Variants in SNTG2 observed in about 807,000 individuals in gnomAD.
SNTG2 encodes syntrophin gamma 2.
Under a neutral mutation model 70.9 loss-of-function variants are expected in SNTG2, and 74 were observed. The ratio of observed to expected loss-of-function variants is 1.04; its 90% CI spans 0.86 to 1.27. SNTG2 has a LOEUF of 1.27. Ranked by LOEUF, SNTG2 falls within the 50% of genes most tolerant of loss-of-function variation. SNTG2 has a pLI of 0.00. For synonymous variants in SNTG2, 278 were observed against 273.8 expected (o/e 1.02, Z -0.15); for missense variants, 717 against 690.7 (o/e 1.04, Z -0.43).
chr2:1,041,537 G>T (rs1661436682), intron 1 of SNTG2, among the ~76,000 whole-genome samples: 1 of 152,140 alleles, frequency 6.6e-6, no homozygotes, highest in Non-Finnish European at 1.5e-5. Flanking sequence ...GGAGGTGTTT[G>T]GGTCATGGGC....
At chr2:1,074,184 T>C (rs1663769150) in intron 1 of SNTG2, among the ~76,000 whole-genome samples, 2 of 152,212 alleles carry the variant, frequency 1.3e-5, no homozygotes, top group Non-Finnish European at 2.9e-5. Flanking sequence ...AGCTGCAGTG[T>C]AGCCCCTCTG....
intron 4 of SNTG2, among the ~76,000 whole-genome samples, chr2:1,099,977 G>A (rs998049460): frequency 2.4e-4 from 37 of 152,158 alleles, no homozygotes; most frequent in Non-Finnish European, 4.6e-4. Flanking sequence ...CAGGAATTAG[G>A]GGCCAGCAAG....
intron 6 of SNTG2, among the ~76,000 whole-genome samples, chr2:1,143,624 C>A (rs1245151686): frequency 6.6e-6 from 1 of 151,338 alleles, no homozygotes; most frequent in African/African-American, 2.4e-5. Context: ...ATCCCAGCAA[C>A]TTTGGGAGGC....
chr2:1,180,979 A>G (rs1356931400), intron 8 of SNTG2, among the ~76,000 whole-genome samples: 2 of 152,166 alleles, frequency 1.3e-5, no homozygotes, highest in South Asian at 2.1e-4. Context: ...CAAAAAGCAA[A>G]CACCACATAT....
intron 1 of SNTG2, among the ~76,000 whole-genome samples, chr2:1,004,200 C>T (rs913695487): frequency 6.6e-6 from 1 of 152,124 alleles, no homozygotes; most frequent in Non-Finnish European, 1.5e-5. Flanking sequence ...AATCATTAGT[C>T]CCTGTAACAG....
chr2:1,242,054 G>A (rs527383222), intron 11 of SNTG2, among the ~76,000 whole-genome samples: 1 of 152,278 alleles, frequency 6.6e-6, no homozygotes, highest in African/African-American at 2.4e-5. Context: ...GCAGCTTGGA[G>A]TAGTTTATTT....
intron 16 of SNTG2, chr2:1,341,440 A>T (rs1327568383): frequency 6.6e-6 from 1 of 152,178 alleles, no homozygotes; most frequent in African/African-American, 2.4e-5. Context: ...GGGGTTGCTC[A>T]GTCCCATGCT....
At chr2:978,210 G>A (rs1435982856) in intron 1 of SNTG2, among the ~76,000 whole-genome samples, 1 of 152,184 alleles carries the variant, frequency 6.6e-6, no homozygotes, top group East Asian at 1.9e-4. Context: ...GATGCAGCTC[G>A]TGGTGCAGGA....
At chr2:1,101,165 G>C (rs1160929956) in intron 4 of SNTG2, among the ~76,000 whole-genome samples, 1 of 152,190 alleles carries the variant, frequency 6.6e-6, no homozygotes, top group Admixed American at 6.5e-5. Context: ...TCCCAGGCTC[G>C]CATTCTGTGC....
At chr2:1,166,411 T>C (rs1234323156) in intron 7 of SNTG2, among the ~76,000 whole-genome samples, 2 of 152,114 alleles carry the variant, frequency 1.3e-5, no homozygotes, top group African/African-American at 4.8e-5. Flanking sequence ...TTCCTGTCAC[T>C]CTCTCATGGG....
chr2:1,234,444 A>G (rs2148089170), intron 9 of SNTG2, among the ~76,000 whole-genome samples: 1 of 152,334 alleles, frequency 6.6e-6, no homozygotes, highest in East Asian at 1.9e-4. Flanking sequence ...TAATGTTTAT[A>G]TGGTACTTAC....
chr2:1,309,235 G>A (rs371324634), intron 15 of SNTG2, among the ~76,000 whole-genome samples: 1 of 152,234 alleles, frequency 6.6e-6, no homozygotes, highest in East Asian at 1.9e-4. Flanking sequence ...ATCCCAAATC[G>A]GGCTGCACCC....
intron 16 of SNTG2, among the ~76,000 whole-genome samples, chr2:1,340,702 T>A (rs944569205): frequency 1.3e-5 from 2 of 152,258 alleles, no homozygotes; most frequent in African/African-American, 4.8e-5. Context: ...ATTTTATTAT[T>A]ATTTGCATTA....
chr2:1,168,067 C>T (rs372519496), intron 7 of SNTG2, among the ~76,000 whole-genome samples: 1 of 134,250 alleles, frequency 7.4e-6, no homozygotes, highest in Admixed American at 7.2e-5. Flanking sequence ...CGCCCACAGA[C>T]GGCAGAACTG....
At chr2:1,000,900 C>A (rs1327167896) in intron 1 of SNTG2, among the ~76,000 whole-genome samples, 1 of 151,748 alleles carries the variant, frequency 6.6e-6, no homozygotes, top group Non-Finnish European at 1.5e-5. Context: ...AGCAGCATGT[C>A]AAAAATGTGA....
At chr2:1,114,602 TAGTA>T (rs1292380857) in intron 4 of SNTG2, among the ~76,000 whole-genome samples, 5 of 148,932 alleles carry the variant, frequency 3.4e-5, no homozygotes, top group Non-Finnish European at 5.9e-5. Context: ...GGATCGTGTG[TAGTA>T]AGTGAGGTTT....
intron 1 of SNTG2, among the ~76,000 whole-genome samples, chr2:989,981 G>A (rs1661437643): frequency 6.6e-6 from 1 of 152,226 alleles, no homozygotes; most frequent in South Asian, 2.1e-4. Context: ...ATCCAGTCAC[G>A]GCTCCGCTCT....
At chr2:1,364,052 C>T (rs892316126) in intron 16 of SNTG2, among the ~76,000 whole-genome samples, 1 of 152,152 alleles carries the variant, frequency 6.6e-6, no homozygotes, top group Non-Finnish European at 1.5e-5. Context: ...CTCACTGCAA[C>T]TTCCGCCTCC....
chr2:1,182,251 G>A (rs1671954465), intron 8 of SNTG2, among the ~76,000 whole-genome samples: 1 of 151,784 alleles, frequency 6.6e-6, no homozygotes, highest in African/African-American at 2.4e-5. Flanking sequence ...GTCTAATGTG[G>A]GACTCACTAG....
Sources: gnomAD v4.1 joint callset for allele counts (sites outside exome capture counted in the v4.1 genomes callset) on GRCh38, gnomAD v4.1.1 for gene constraint, MANE v1.5 for transcripts, NCBI Gene and HGNC (gene_info 2026-07-23, HGNC 2026-07-21) for gene names.